MORC1: variants seen among roughly 807,000 people sequenced by gnomAD.
The protein encoded by MORC1 is MORC family CW-type zinc finger protein 1.
In MORC1, 59 loss-of-function variants were observed where a neutral mutation model predicts 134.9. The ratio of observed to expected loss-of-function variants is 0.44; its 90% CI spans 0.35 to 0.54. MORC1 has a LOEUF of 0.54. MORC1 is among the 20% of genes least tolerant of loss of function. MORC1 has a pLI of 0.00. For synonymous variants in MORC1, 395 were observed against 391.7 expected (o/e 1.01, Z -0.10); for missense variants, 947 against 1,134.5 (o/e 0.83, Z 2.37).
At chr3:108,986,813 G>T in intron 22 of MORC1, 67 bp downstream of exon 22, 1 of 1,094,854 alleles carries the variant, frequency 9.1e-7, no homozygotes, top group Non-Finnish European at 1.3e-6. Context: ...AGGCTGTCAA[G>T]CCATATTGAA....
At chr3:109,031,134 A>G (rs538123597) in intron 16 of MORC1, among the ~76,000 whole-genome samples, 6 of 152,322 alleles carry the variant, frequency 3.9e-5, no homozygotes, top group South Asian at 2.1e-4. Flanking sequence ...GAAACTGCAG[A>G]CGACAGCTTC....
intron 9 of MORC1, among the ~76,000 whole-genome samples, chr3:109,068,396 TCATTCTTATGCCTTTG>T (rs1401934608): frequency 6.6e-6 from 1 of 152,220 alleles, no homozygotes; most frequent in Non-Finnish European, 1.5e-5. Context: ...GTCCATTGTA[TCATTCTTATGCCTTTG>T]CATTCTCATA....
At chr3:108,977,893 T>C (rs999223182) in intron 24 of MORC1, among the ~76,000 whole-genome samples, 14 of 152,152 alleles carry the variant, frequency 9.2e-5, no homozygotes, top group African/African-American at 3.4e-4. Flanking sequence ...GTGGCTTTTT[T>C]TTGAGATGGA....
chr3:109,006,242 T>C (rs1948536769), intron 18 of MORC1, among the ~76,000 whole-genome samples: 1 of 152,208 alleles, frequency 6.6e-6, no homozygotes, highest in Admixed American at 6.5e-5. Flanking sequence ...GATAAATTAC[T>C]ATAAAAGGAG....
Position 108,969,731 on chromosome 3 carries a change from A to C in MORC1, c.2551-9T>G. 2 of 1,612,634 alleles carry C rather than the reference A, an allele frequency of 1.2e-6. No individual in the cohort carries two copies. Among genetic ancestry groups the C allele is most frequent in the Non-Finnish European group, 1.7e-6 (2 of 1,178,810 alleles). ...TCTGGGCACTGCTCCAGCTGTTTTC[A>C]TAAATGATAATAGAACAGGATATTA... On this transcript the variant is annotated splice_polypyrimidine_tract_variant and intron_variant, in intron 25 of 27. Coordinates refer to ENST00000232603, the MANE Select transcript of MORC1 (RefSeq NM_014429.4).
intron 8 of MORC1, among the ~76,000 whole-genome samples, chr3:109,092,555 A>C (rs1950752150): frequency 6.6e-6 from 1 of 152,178 alleles, no homozygotes; most frequent in Non-Finnish European, 1.5e-5. Context: ...ACTGGATTCA[A>C]AGACTTTGGA....
chr3:109,105,668 G>C (rs908987129), intron 3 of MORC1, among the ~76,000 whole-genome samples: 1 of 111,828 alleles, frequency 8.9e-6, no homozygotes, highest in African/African-American at 3.2e-5. Flanking sequence ...AACAGAGAGA[G>C]ACCCTGTCTC....
At chr3:108,999,292 A>G (rs1037067520) in intron 21 of MORC1, among the ~76,000 whole-genome samples, 14 of 152,176 alleles carry the variant, frequency 9.2e-5, no homozygotes, top group African/African-American at 3.1e-4. Context: ...GGGCTACTTC[A>G]AATAATTACA....
intron 12 of MORC1, among the ~76,000 whole-genome samples, 168 bp downstream of exon 12, chr3:109,059,638 T>C (rs972369008): frequency 6.6e-6 from 1 of 152,196 alleles, no homozygotes; most frequent in African/African-American, 2.4e-5. Context: ...ATGTTTTACA[T>C]TGCTTATCTT....
In MORC1 at chr3:109,007,022, T is replaced by C. The variant is rs1303419548; in HGVS notation, c.1767+7A>G. On this transcript the variant is annotated splice_region_variant and intron_variant, in intron 18 of 27. Transcript: ENST00000232603. Reference sequence around the variant, plus strand: ...ACAAATTGCTTAATCCTATATTAATTACTCACCTTATGTGCTGAAGTTAGG... The same window carrying C: ...ACAAATTGCTTAATCCTATATTAATCACTCACCTTATGTGCTGAAGTTAGG... 4.4e-6 allele frequency: 7 copies of C among 1,604,468 alleles called. No homozygotes were observed. The Admixed American group carries it at 1.2e-4, about 27-fold the overall frequency.
chr3:108,965,583 T>C (rs1335677442), intron 26 of MORC1, among the ~76,000 whole-genome samples: 1 of 152,214 alleles, frequency 6.6e-6, no homozygotes, highest in Non-Finnish European at 1.5e-5. Context: ...CTGATTTCAG[T>C]AATGAGAATT....
chr3:109,003,430 C>CACACGCAT (rs1553746836), intron 20 of MORC1, among the ~76,000 whole-genome samples: 1 of 146,974 alleles, frequency 6.8e-6, no homozygotes, highest in Non-Finnish European at 1.5e-5. Context: ...CACACACACA[C>CACACGCAT]GCATGCATAC....
At chr3:109,057,772 C>T (rs983027763) in intron 12 of MORC1, among the ~76,000 whole-genome samples, 4 of 152,096 alleles carry the variant, frequency 2.6e-5, no homozygotes, top group Admixed American at 2.0e-4. Flanking sequence ...GAAATATTAA[C>T]GGGTCGTATA....
rs72935352 is a variant in MORC1 at position 109,031,372 on chromosome 3, T to A, written c.1565+1348A>T. ...GGGAAGCTTAGTTAAAGGGAGGTTA[T>A]GTAATTTCTGAGATTTCACAGCTAA... On this transcript the variant is annotated intron_variant, in intron 16 of 27. Transcript: ENST00000232603. Among the ~76,000 whole-genome samples the A allele has an allele frequency of 6.5e-3, 985 of 152,318 alleles. 10 individuals carry two copies. The highest frequency in any genetic ancestry group is 0.051 in the Middle Eastern group (15 of 294).
rs201228015 is a variant in MORC1, at chr3:109,009,197, G to GTTTTTTTTTTTTTTT, written c.1705-2107_1705-2106insAAAAAAAAAAAAAAA. ...TTCCTGAGTTCTTTCCTATTTTTAC[G>GTTTTTTTTTTTTTTT]TTTTTTGTTGTTTTTTTTTTTTTTT... On this transcript the variant is annotated intron_variant, in intron 17 of 27. Transcript: ENST00000232603. Among the ~76,000 whole-genome samples, 2 of 133,810 alleles carry GTTTTTTTTTTTTTTT rather than the reference G, an allele frequency of 1.5e-5. 1 individual carries two copies. The highest frequency in any genetic ancestry group is 3.3e-5 in the Non-Finnish European group (2 of 61,518). 87.8% of individuals were successfully genotyped at this position (133,810 alleles called of 152,430 possible).
intron 4 of MORC1, among the ~76,000 whole-genome samples, chr3:109,101,725 G>C (rs771515298): frequency 1.3e-5 from 2 of 152,178 alleles, no homozygotes; most frequent in Non-Finnish European, 2.9e-5. Flanking sequence ...ATACTTACAT[G>C]CACAGCTTAT....
intron 1 of MORC1, among the ~76,000 whole-genome samples, chr3:109,115,201 A>G (rs1402792677): frequency 1.3e-5 from 2 of 152,244 alleles, no homozygotes; most frequent in African/African-American, 4.8e-5. Flanking sequence ...TTCTATATTT[A>G]GTAAACAGGT....
chr3:109,004,756 T>G (rs1948496190), intron 20 of MORC1, 61 bp downstream of exon 20: 2 of 1,477,202 alleles, frequency 1.4e-6, no homozygotes, highest in East Asian at 2.3e-5. Context: ...ACTTAAAGAT[T>G]AAAGGTTTAT....
chr3:109,016,451 C>A (rs1260985937), intron 17 of MORC1, among the ~76,000 whole-genome samples: 1 of 152,112 alleles, frequency 6.6e-6, no homozygotes, highest in Non-Finnish European at 1.5e-5. Flanking sequence ...GTGTGAACAC[C>A]CTTAACTTCT....
Sources: gnomAD v4.1 joint callset for allele counts (sites outside exome capture counted in the v4.1 genomes callset) on GRCh38, gnomAD v4.1.1 for gene constraint, MANE v1.5 for transcripts, NCBI Gene and HGNC (gene_info 2026-07-23, HGNC 2026-07-21) for gene names.